Variants in EFTUD2 observed in about 807,000 individuals in gnomAD.
EFTUD2 encodes the protein 116 kDa U5 small nuclear ribonucleoprotein component.
In EFTUD2, 9 loss-of-function variants were observed where a neutral mutation model predicts 114.3. The observed-to-expected ratio is 0.08, with a 90% CI of 0.05 to 0.14. EFTUD2 has a LOEUF of 0.14. Ranked by LOEUF, EFTUD2 falls within the 10% of genes least tolerant of loss-of-function variation. EFTUD2 has a pLI of 1.00. For missense variants in EFTUD2, 765 were observed against 1,241.2 expected, an observed-to-expected ratio of 0.62 and a Z score of 5.76; for synonymous variants, 449 against 462.3, an observed-to-expected ratio of 0.97 and a Z score of 0.37.
intron 9 of EFTUD2, 25 bp from the exon 10 acceptor site, chr17:44,876,125 T>C: frequency 6.3e-7 from 1 of 1,595,510 alleles, no homozygotes; most frequent in Non-Finnish European, 8.6e-7. Context: ...GCTCAGAAGG[T>C]GGTAAGAAGA....
intron 11 of EFTUD2, among the ~76,000 whole-genome samples, chr17:44,871,264 A>G (rs1378560940): frequency 6.6e-6 from 1 of 151,840 alleles, no homozygotes; most frequent in African/African-American, 2.4e-5. Flanking sequence ...GGCTCAAGTG[A>G]TCCGCCTGCC....
At chr17:44,894,363 T>C in intron 2 of EFTUD2, 54 bp downstream of exon 2, 2 of 1,430,720 alleles carry the variant, frequency 1.4e-6, no homozygotes, top group Non-Finnish European at 2.0e-6. Context: ...AGTGAGATCT[T>C]GTCTTAAATA....
In EFTUD2 at chr17:44,853,574, C is replaced by T. The variant is rs2050494147; in HGVS notation, c.2409G>A (p.Arg803=). The change falls in exon 24 of 28, where the codon CGG becomes CGA. Residue 803 remains arginine (R), a synonymous_variant. Transcript: ENST00000426333. ...DAVVAQEPLH[R]GGGQIIPTAR... ...CTGTGGGGATGATCTGGCCCCCGCC[C>T]CGGTGCAGGGGCTCCTGGGCAACCA... 3 of 1,614,070 alleles carry T rather than the reference C, an allele frequency of 1.9e-6. No individual in the cohort carries two copies. In the South Asian group the frequency reaches 3.3e-5, roughly 18 times the overall value.
intron 1 of EFTUD2, among the ~76,000 whole-genome samples, chr17:44,897,650 C>G (rs1446046761): frequency 1.3e-5 from 2 of 152,238 alleles, no homozygotes. Flanking sequence ...CTGCAACCTC[C>G]GCCTCACAGG....
chr17:44,881,792 T>G (rs2051077337), intron 6 of EFTUD2, 70 bp from the exon 7 acceptor site: 2 of 1,409,002 alleles, frequency 1.4e-6, no homozygotes, highest in Middle Eastern at 1.8e-4. Flanking sequence ...CATCAATCAC[T>G]TTCCCTCACT....
intron 13 of EFTUD2, among the ~76,000 whole-genome samples, chr17:44,866,187 GA>G (rs1168529179): frequency 1.3e-5 from 2 of 152,124 alleles, no homozygotes; most frequent in Admixed American, 6.5e-5. Flanking sequence ...ATTTCAATCT[GA>G]CAAGCATCAC....
intron 2 of EFTUD2, among the ~76,000 whole-genome samples, chr17:44,888,689 A>G (rs1338258553): frequency 1.3e-5 from 2 of 152,212 alleles, no homozygotes; most frequent in East Asian, 1.9e-4. Context: ...GAGAAAAAAG[A>G]GAAGCAGTAA....
chr17:44,867,297 A>AT (rs3058538), intron 13 of EFTUD2, among the ~76,000 whole-genome samples: 3,265 of 121,304 alleles, frequency 0.027, 104 homozygotes, highest in Middle Eastern at 0.06. Context: ...CTTTCCTTTG[A>AT]TTTTTTTTTT....
At chr17:44,862,634 G>A in intron 16 of EFTUD2, 79 bp downstream of exon 16, 1 of 1,388,828 alleles carries the variant, frequency 7.2e-7, no homozygotes, top group African/African-American at 1.4e-5. Context: ...CTTCCAAGGA[G>A]GATCACTCCT....
rs1283658063 is a variant in EFTUD2, at chr17:44,851,063, A to G, written c.*211T>C. On this transcript the variant is annotated 3_prime_UTR_variant, in exon 28 of 28. Transcript: ENST00000426333. ...GCTCCTCTCTTTTCCTTGGGAATGG[A>G]GCCCGGCAGAGGCCACAGAAGGAAG... 5 of 513,138 alleles carry G rather than the reference A, an allele frequency of 9.7e-6. No homozygotes were observed. The highest frequency in any genetic ancestry group is 3.8e-5 in the African/African-American group (2 of 52,390). 31.8% of individuals were successfully genotyped at this position (513,138 alleles called of 1,614,324 possible).
At chr17:44,896,165 G>A (rs568011095) in intron 1 of EFTUD2, among the ~76,000 whole-genome samples, 7 of 152,256 alleles carry the variant, frequency 4.6e-5, no homozygotes, top group Non-Finnish European at 8.8e-5. Context: ...CCATTGTAAA[G>A]TTACTCATTT....
At chr17:44,871,440 C>T (rs1412182338) in intron 11 of EFTUD2, among the ~76,000 whole-genome samples, 1 of 151,890 alleles carries the variant, frequency 6.6e-6, no homozygotes, top group Non-Finnish European at 1.5e-5. Flanking sequence ...CCTGGGTTCA[C>T]GCCATTTTCC....
chr17:44,859,823 G>A, intron 18 of EFTUD2, 82 bp downstream of exon 18: 1 of 1,597,922 alleles, frequency 6.3e-7, no homozygotes, highest in South Asian at 1.1e-5. Context: ...ATGAACACCT[G>A]ATGGATGGGA....
chr17:44,854,901 C>CA lies in EFTUD2; in HGVS notation c.2132+16dup, dbSNP rs1215207414. 6.2e-7 allele frequency: 1 copy of CA among 1,613,220 alleles called. No individual in the cohort carries two copies. Among genetic ancestry groups the CA allele is most frequent in the African/African-American group, 1.3e-5 (1 of 74,918 alleles). ...CCCTGCCTCCTTTCGACCCTGGCGT[C>CA]AGAGCCCTGTTCTCACCTGTTCCAC... is the stretch of plus-strand genomic sequence containing the variant. On this transcript the variant is annotated intron_variant, in intron 21 of 27. Transcript: ENST00000426333. The surrounding 1 kb of genome is among the most constrained non-coding windows in gnomAD (Gnocchi z 4.3).
chr17:44,860,322 C>A (rs1215564516), intron 17 of EFTUD2, 110 bp downstream of exon 17: 2 of 857,820 alleles, frequency 2.3e-6, no homozygotes, highest in Non-Finnish European at 3.9e-6. Flanking sequence ...GAAGGCTAAG[C>A]CTGAAACCAG....
At chr17:44,865,543 T>G (rs555341752) in intron 13 of EFTUD2, among the ~76,000 whole-genome samples, 18 of 152,288 alleles carry the variant, frequency 1.2e-4, no homozygotes, top group South Asian at 6.2e-4. Flanking sequence ...CTATAAATTT[T>G]TTTTATTAAT....
intron 9 of EFTUD2, 133 bp downstream of exon 9, chr17:44,879,423 A>C: frequency 1.2e-6 from 1 of 846,780 alleles, no homozygotes; most frequent in Non-Finnish European, 1.9e-6. Context: ...TTAATTTTAG[A>C]GCAAATTTGA....
Position 44,858,039 on chromosome 17 carries a change from A to G in EFTUD2, c.1963-882T>C, listed in dbSNP as rs2050589481. ...CGGTTTCAAACAATTATCCTGTCTC[A>G]GCCTCCTGAGTAGCTGGGATTACAG... On this transcript the variant is annotated intron_variant, in intron 19 of 27. Transcript: ENST00000426333. Among the ~76,000 whole-genome samples, 3 of 147,758 alleles carry G rather than the reference A, an allele frequency of 2.0e-5. No homozygotes were observed. In the South Asian group the frequency reaches 6.3e-4, roughly 31 times the overall value.
chr17:44,854,212 T>C lies in EFTUD2; in HGVS notation c.2347+57A>G. 6.5e-7 allele frequency: 1 copy of C among 1,547,262 alleles called. No homozygotes were observed. ...AAAGATGGTGAGCCCATCCCACTCATATGCCTGGCTGCAAGGACCCTCGAG... is the reference window on the plus strand; with the variant it reads ...AAAGATGGTGAGCCCATCCCACTCACATGCCTGGCTGCAAGGACCCTCGAG... On this transcript the variant is annotated intron_variant, in intron 23 of 27. Transcript: ENST00000426333. This position sits in a 1 kb window ranked among gnomAD's most constrained non-coding sequence, Gnocchi z 4.3.
Sources: gnomAD v4.1 joint callset for allele counts (sites outside exome capture counted in the v4.1 genomes callset) on GRCh38, gnomAD v4.1.1 for gene constraint, Gnocchi (gnomAD v3.1) non-coding constraint, MANE v1.5 for transcripts, NCBI Gene and HGNC (gene_info 2026-07-23, HGNC 2026-07-21) for gene names.